Variants in SHANK2 observed in about 807,000 individuals in gnomAD.
SHANK2 encodes the protein SH3 and multiple ankyrin repeat domains 2.
Under a neutral mutation model 133.7 loss-of-function variants are expected in SHANK2, and 43 were observed. The ratio of observed to expected loss-of-function variants is 0.32; its 90% CI spans 0.25 to 0.41. The LOEUF (loss-of-function observed/expected upper bound fraction) is 0.41, where lower values mean the gene tolerates loss of function less well. Among genes scored for constraint, SHANK2 ranks in the 10% least tolerant of loss-of-function variants. SHANK2 has a pLI of 1.00. For missense variants in SHANK2, 1,994 were observed against 2,235.8 expected (o/e 0.89, Z 2.18); for synonymous variants, 1,017 against 952.8 (o/e 1.07, Z -1.24).
chr11:70,733,264 G>A (rs1946327723), intron 14 of SHANK2, among the ~76,000 whole-genome samples: 1 of 152,132 alleles, frequency 6.6e-6, no homozygotes, highest in African/African-American at 2.4e-5. Context: ...GAAGGAGGAA[G>A]AACATAAGCA....
chr11:70,752,631 G>A (rs1295529430), intron 14 of SHANK2, among the ~76,000 whole-genome samples: 1 of 150,686 alleles, frequency 6.6e-6, no homozygotes, highest in Non-Finnish European at 1.5e-5. Flanking sequence ...GCGTGAACCC[G>A]GGAGGCGGAG....
intron 1 of SHANK2, among the ~76,000 whole-genome samples, chr11:71,240,071 G>A (rs1404502882): frequency 1.3e-5 from 2 of 152,158 alleles, no homozygotes; most frequent in Non-Finnish European, 2.9e-5. Flanking sequence ...TAAGAACCTC[G>A]TTCTTCGGGA....
At chr11:70,649,809 C>A (rs2061318151) in intron 17 of SHANK2, among the ~76,000 whole-genome samples, 1 of 152,234 alleles carries the variant, frequency 6.6e-6, no homozygotes, top group African/African-American at 2.4e-5. Flanking sequence ...AAAAAGATGG[C>A]TGTTAAGATT....
chr11:70,568,655 G>A (rs868968303), intron 17 of SHANK2, among the ~76,000 whole-genome samples: 1 of 46,310 alleles, frequency 2.2e-5, no homozygotes, highest in Admixed American at 2.1e-4. Context: ...TGCCCCCCCC[G>A]CCCACTTCCT....
chr11:70,945,642 C>T (rs1421067617), intron 10 of SHANK2, among the ~76,000 whole-genome samples: 2 of 152,178 alleles, frequency 1.3e-5, no homozygotes, highest in Non-Finnish European at 2.9e-5. Flanking sequence ...ACCTTGCAGG[C>T]CCCAGCCTGA....
intron 17 of SHANK2, among the ~76,000 whole-genome samples, chr11:70,594,938 C>CA (rs1565161050): frequency 6.6e-6 from 1 of 152,100 alleles, no homozygotes; most frequent in Non-Finnish European, 1.5e-5. Context: ...AGTAAAATTT[C>CA]AAAAAAAGTG....
chr11:70,903,985 GCA>G (rs1555077398), intron 10 of SHANK2, among the ~76,000 whole-genome samples: 1 of 152,114 alleles, frequency 6.6e-6, no homozygotes, highest in Non-Finnish European at 1.5e-5. Context: ...CAAATTCCCA[GCA>G]CAGACCCTCG....
At chr11:70,558,151 G>A (rs1040128162) in intron 17 of SHANK2, among the ~76,000 whole-genome samples, 5 of 152,160 alleles carry the variant, frequency 3.3e-5, no homozygotes, top group East Asian at 1.9e-4. Flanking sequence ...GGGGATTCTC[G>A]GAGAGGTTCT....
intron 15 of SHANK2, among the ~76,000 whole-genome samples, chr11:70,683,634 C>T (rs782423300): frequency 6.6e-6 from 1 of 152,188 alleles, no homozygotes; most frequent in Admixed American, 6.5e-5. Flanking sequence ...GGCAGGGCCA[C>T]GCTCCCTCAG....
chr11:71,220,485 G>A (rs1954513695), intron 2 of SHANK2, among the ~76,000 whole-genome samples: 1 of 152,162 alleles, frequency 6.6e-6, no homozygotes, highest in African/African-American at 2.4e-5. Context: ...GCACACCTAT[G>A]TTCACAGAAC....
chr11:70,644,264 A>C (rs1350400254), intron 17 of SHANK2, among the ~76,000 whole-genome samples: 1 of 152,150 alleles, frequency 6.6e-6, no homozygotes, highest in Non-Finnish European at 1.5e-5. Flanking sequence ...ACCAGCGTGC[A>C]TCTCCAGAAC....
At chr11:70,724,782 G>A (rs1015297186) in intron 14 of SHANK2, among the ~76,000 whole-genome samples, 7 of 152,228 alleles carry the variant, frequency 4.6e-5, no homozygotes, top group South Asian at 4.1e-4. Context: ...CTAACTCTGC[G>A]TTCCGGAAAT....
intron 14 of SHANK2, among the ~76,000 whole-genome samples, chr11:70,761,088 T>C (rs563073729): frequency 6.6e-6 from 1 of 152,294 alleles, no homozygotes; most frequent in South Asian, 2.1e-4. Flanking sequence ...GCTGGGTCTC[T>C]GGATAAATGA....
Position 70,485,848 on chromosome 11 carries a change from C to T in SHANK2, c.4445G>A (p.Ser1482Asn), listed in dbSNP as rs1396038232. The T allele has an allele frequency of 3.7e-6, 6 of 1,613,924 alleles. No individual in the cohort carries two copies. In the African/African-American group the frequency reaches 6.7e-5, roughly 18 times the overall value. The part of the protein sequence containing the change: ...LPASFLPPPE[S>N]FDAVADSGIE... ...CCCAGAGTCGGCGACGGCGTCAAAGCTTTCAGGGGGTGGCAGGAATGAGGC... is the reference window on the plus strand; with the variant it reads ...CCCAGAGTCGGCGACGGCGTCAAAGTTTTCAGGGGGTGGCAGGAATGAGGC... The change falls in exon 25 of 26, where the codon AGC becomes AAC. Residue 1482 changes from serine to asparagine, a missense_variant. This residue lies in a region of SHANK2 where 797 missense variants were observed against 907.4 expected (regional missense o/e 0.88). Coordinates refer to ENST00000601538, the MANE Select transcript of SHANK2 (RefSeq NM_012309.5). The surrounding 1 kb of genome is among the most constrained non-coding windows in gnomAD (Gnocchi z 5.8).
intron 17 of SHANK2, among the ~76,000 whole-genome samples, chr11:70,575,828 T>C (rs10793151): frequency 0.76 from 115,924 of 151,638 alleles, 44,792 homozygotes; most frequent in African/African-American, 0.83. Flanking sequence ...GGGCGTGGGC[T>C]GGATAGGGTG....
At position 70,531,668 on chromosome 11, in the gene SHANK2, T is replaced by C. The variant is rs868969888; in HGVS notation, c.2062-28737A>G. Among the ~76,000 whole-genome samples, 50 of 151,916 alleles carry C rather than the reference T, an allele frequency of 3.3e-4. No homozygotes were observed. In the Middle Eastern group the frequency reaches 0.014, roughly 42 times the overall value. Reference sequence around the variant, plus strand: ...TTGCTGCGCCTCTGCGTCCTAGGAGTGGGGATAAGCAGCACCTCGGGGCTG... The same window carrying C: ...TTGCTGCGCCTCTGCGTCCTAGGAGCGGGGATAAGCAGCACCTCGGGGCTG... On this transcript the variant is annotated intron_variant, in intron 17 of 25. Coordinates refer to ENST00000601538, the MANE Select transcript of SHANK2 (RefSeq NM_012309.5).
rs145382573 is a variant in SHANK2 at position 71,212,517 on chromosome 11, T to C, written c.-13+12180A>G. 4.2e-3 allele frequency among the ~76,000 whole-genome samples: 634 copies of C among 152,276 alleles called. 14 individuals are homozygous for C. The East Asian group carries it at 0.053, about 13-fold the overall frequency. On this transcript the variant is annotated intron_variant, in intron 2 of 25. Coordinates refer to ENST00000601538, the MANE Select transcript of SHANK2 (RefSeq NM_012309.5). ...TTCGTCCTCACCCAGTGAGCATCCA[T>C]GTGCATCATGTGGCTGTTTCCAGGG... is the stretch of plus-strand genomic sequence containing the variant.
chr11:70,515,817 AT>A (rs1221408043), intron 17 of SHANK2, among the ~76,000 whole-genome samples: 154 of 151,998 alleles, frequency 1.0e-3, no homozygotes, highest in African/African-American at 3.0e-3. Flanking sequence ...TCTCAAAAAA[AT>A]TTTTTTTATA....
intron 11 of SHANK2, among the ~76,000 whole-genome samples, chr11:70,852,255 T>C (rs1194295824): frequency 6.6e-6 from 1 of 152,190 alleles, no homozygotes; most frequent in Non-Finnish European, 1.5e-5. Context: ...CAAAGAAAAC[T>C]GGCTCCTGCT....
Sources: allele counts gnomAD v4.1 joint callset (sites outside exome capture counted in the v4.1 genomes callset), GRCh38; gene constraint gnomAD v4.1.1; regional missense constraint gnomAD v4.1.1; non-coding constraint Gnocchi (gnomAD v3.1); transcripts MANE v1.5; gene names NCBI Gene and HGNC (gene_info 2026-07-23, HGNC 2026-07-21).